The following CCDC148 variants were observed in gnomAD, a reference collection of about 807,000 sequenced individuals.
CCDC148 encodes coiled-coil domain containing 148, also known as coiled-coil domain-containing protein 148.
A neutral mutation model predicts 85.7 loss-of-function variants in CCDC148; 89 were observed. The observed-to-expected ratio is 1.04, with a 90% CI of 0.87 to 1.24. The LOEUF is 1.24. Among genes scored for constraint, CCDC148 ranks in the 50% most tolerant of loss-of-function variants. CCDC148 has a pLI of 0.00. For synonymous variants in CCDC148, 230 were observed against 213.9 expected (o/e 1.08, Z -0.66); for missense variants, 692 against 671.7 (o/e 1.03, Z -0.33).
At chr2:158,310,664 C>A (rs1279740545) in intron 8 of CCDC148, among the ~76,000 whole-genome samples, 1 of 144,734 alleles carries the variant, frequency 6.9e-6, no homozygotes, top group Non-Finnish European at 1.5e-5. Context: ...CAGGCAGAGG[C>A]GCTCCTCACT....
In CCDC148 at chr2:158,456,431, T is replaced by G. The variant is rs764085442; in HGVS notation, c.9A>C (p.Ala3=). 1.2e-6 allele frequency: 2 copies of G among 1,611,698 alleles called. No individual in the cohort carries two copies. Among genetic ancestry groups the G allele is most frequent in the Non-Finnish European group, 1.7e-6 (2 of 1,179,088 alleles). Residue 3 remains alanine, a synonymous_variant, in exon 1 of 14, where the codon GCA becomes GCC. Transcript: ENST00000283233. ...CAAACTCACCTGGAGAAGCAGAAGC[T>G]GCACACATGTCAAAGGTCAAAGGGC... MC[A]ASASPDNLVF...
intron 7 of CCDC148, among the ~76,000 whole-genome samples, chr2:158,318,936 A>AT: frequency 6.6e-6 from 1 of 151,932 alleles, no homozygotes. Flanking sequence ...CACTCAGCTA[A>AT]TTTTTTATTT....
intron 11 of CCDC148, among the ~76,000 whole-genome samples, chr2:158,215,923 T>C (rs79366074): frequency 0.056 from 8,594 of 152,198 alleles, 349 homozygotes; most frequent in African/African-American, 0.12. Context: ...GAAGGCCCCA[T>C]TCTGCAAGCC....
chr2:158,178,778 G>A, intron 12 of CCDC148, 101 bp downstream of exon 12: 1 of 774,406 alleles, frequency 1.3e-6, no homozygotes, highest in Non-Finnish European at 2.2e-6. Flanking sequence ...ATTTTATATA[G>A]CAGATGTCAT....
At chr2:158,438,416 A>G (rs1687770856) in intron 1 of CCDC148, among the ~76,000 whole-genome samples, 1 of 152,234 alleles carries the variant, frequency 6.6e-6, no homozygotes, top group Admixed American at 6.5e-5. Flanking sequence ...AAAACTGGCT[A>G]GCCATATGTA....
At chr2:158,314,006 G>T (rs1364121141) in intron 7 of CCDC148, 112 bp from the exon 8 acceptor site, 2 of 1,071,750 alleles carry the variant, frequency 1.9e-6, no homozygotes, top group Non-Finnish European at 1.3e-6. Context: ...CGAGGTTTCT[G>T]TGTATTTTAA....
At chr2:158,215,933 C>CAT (rs1686828189) in intron 11 of CCDC148, among the ~76,000 whole-genome samples, 1 of 152,150 alleles carries the variant, frequency 6.6e-6, no homozygotes, top group Non-Finnish European at 1.5e-5. Context: ...TTCTGCAAGC[C>CAT]AGGAAGAGAC....
rs75542341 is a variant in CCDC148, at chr2:158,207,836, T to G, written c.1370+12759A>C. ...AACTGCAGTCAGTCAAGATGCTGGC[T>G]GAAAGCAATGGGCATACGTAATTCA... On this transcript the variant is annotated intron_variant, in intron 11 of 13. Transcript: ENST00000283233. 9.5e-3 allele frequency among the ~76,000 whole-genome samples: 1,439 copies of G among 152,252 alleles called. 23 individuals carry two copies. Among genetic ancestry groups the G allele is most frequent in the African/African-American group, 0.033 (1,382 of 41,566 alleles).
chr2:158,230,373 A>T (rs1333023579), intron 10 of CCDC148, among the ~76,000 whole-genome samples: 1 of 152,230 alleles, frequency 6.6e-6, no homozygotes, highest in Non-Finnish European at 1.5e-5. Context: ...CATCTGGATG[A>T]CATGACATTT....
intron 1 of CCDC148, among the ~76,000 whole-genome samples, chr2:158,412,826 TTTATTATTA>T (rs70994204): frequency 0.053 from 7,292 of 138,842 alleles, 306 homozygotes; most frequent in African/African-American, 0.11. Context: ...AATATAAGTA[TTTATTATTA>T]TTATTATTAT....
At chr2:158,230,709 T>C (rs1052502025) in intron 10 of CCDC148, among the ~76,000 whole-genome samples, 7 of 152,048 alleles carry the variant, frequency 4.6e-5, no homozygotes, top group Non-Finnish European at 7.4e-5. Context: ...GCACGGGTAG[T>C]AGAGAAGCTA....
intron 7 of CCDC148, among the ~76,000 whole-genome samples, chr2:158,336,534 C>T (rs1682390063): frequency 6.6e-6 from 1 of 152,118 alleles, no homozygotes; most frequent in Non-Finnish European, 1.5e-5. Flanking sequence ...GAACCCCCTA[C>T]CAGGGAGCTT....
intron 2 of CCDC148, among the ~76,000 whole-genome samples, chr2:158,350,988 C>T (rs1007494464): frequency 1.9e-4 from 29 of 152,050 alleles, no homozygotes; most frequent in Non-Finnish European, 3.5e-4. Context: ...AGAACTGATT[C>T]CTCCTATCTC....
intron 1 of CCDC148, among the ~76,000 whole-genome samples, chr2:158,441,771 A>C (rs923180187): frequency 6.6e-6 from 1 of 152,192 alleles, no homozygotes; most frequent in Non-Finnish European, 1.5e-5. Flanking sequence ...AGGAAAAGTG[A>C]AATACTCATT....
At chr2:158,276,553 CT>C (rs1689955442) in intron 9 of CCDC148, among the ~76,000 whole-genome samples, 4 of 112,856 alleles carry the variant, frequency 3.5e-5, no homozygotes, top group African/African-American at 1.3e-4. Context: ...GAGACTCAGT[CT>C]CAAAACAAAA....
intron 11 of CCDC148, among the ~76,000 whole-genome samples, chr2:158,207,244 T>C (rs1052742209): frequency 1.3e-5 from 2 of 152,190 alleles, no homozygotes; most frequent in Admixed American, 6.5e-5. Context: ...GCTGTCCTTA[T>C]AAGACGACAG....
intron 9 of CCDC148, among the ~76,000 whole-genome samples, chr2:158,283,082 A>G (rs1318998825): frequency 6.6e-6 from 1 of 152,228 alleles, no homozygotes; most frequent in Non-Finnish European, 1.5e-5. Context: ...CCATATGTAG[A>G]AAGCTGAAAC....
intron 8 of CCDC148, among the ~76,000 whole-genome samples, chr2:158,310,189 C>A (rs61419329): frequency 0.012 from 1,892 of 152,198 alleles, 27 homozygotes; most frequent in African/African-American, 0.039. Context: ...GCCCTTAATC[C>A]ATTTAACCCT....
intron 1 of CCDC148, among the ~76,000 whole-genome samples, chr2:158,443,759 T>C (rs1340111915): frequency 6.6e-6 from 1 of 152,202 alleles, no homozygotes; most frequent in Non-Finnish European, 1.5e-5. Context: ...CTGAGTCATT[T>C]TACAGACCAG....
Sources: allele counts gnomAD v4.1 joint callset (sites outside exome capture counted in the v4.1 genomes callset), GRCh38; gene constraint gnomAD v4.1.1; transcripts MANE v1.5; gene names NCBI Gene and HGNC (gene_info 2026-07-23, HGNC 2026-07-21).